Variants in STXBP5 observed in about 807,000 individuals in gnomAD.
The protein encoded by STXBP5 is syntaxin binding protein 5, also known as syntaxin-binding protein 5.
In STXBP5, 50 loss-of-function variants were observed where a neutral mutation model predicts 152.4. The ratio of observed to expected loss-of-function variants is 0.33; its 90% confidence interval spans 0.26 to 0.42. STXBP5 has a LOEUF of 0.42. Ranked by LOEUF, STXBP5 falls within the 10% of genes least tolerant of loss-of-function variation. The pLI is 1.00. For synonymous variants in STXBP5, 492 were observed against 494.7 expected, an observed-to-expected ratio of 0.99 and a Z score of 0.07; for missense variants, 1,167 against 1,388.6, an observed-to-expected ratio of 0.84 and a Z score of 2.54.
At chr6:147,281,729 C>T (rs954944156) in intron 8 of STXBP5, among the ~76,000 whole-genome samples, 11 of 152,262 alleles carry the variant, frequency 7.2e-5, no homozygotes, top group African/African-American at 2.4e-4. Flanking sequence ...CAGTACTTTA[C>T]GATGAGTTTT....
rs944073635 is a variant in STXBP5, at chr6:147,212,471, A to G, written c.248+6403A>G. Among the ~76,000 whole-genome samples, 8 of 152,210 alleles carry G rather than the reference A, an allele frequency of 5.3e-5. 1 individual carries two copies. Among genetic ancestry groups the G allele is most frequent in the Admixed American group, 1.3e-4 (2 of 15,280 alleles). On this transcript the variant is annotated intron_variant, in intron 2 of 27. Coordinates refer to ENST00000321680, the MANE Select transcript of STXBP5 (RefSeq NM_001127715.4). ...ATAATCTTCAGACTTACCTTGTATAAGTCAACTAAAATCTCTGTGCTTCAG... is the reference window on the plus strand; with the variant it reads ...ATAATCTTCAGACTTACCTTGTATAGGTCAACTAAAATCTCTGTGCTTCAG...
chr6:147,375,467 A>G (rs946657420), intron 26 of STXBP5, among the ~76,000 whole-genome samples: 1 of 152,070 alleles, frequency 6.6e-6, no homozygotes, highest in Non-Finnish European at 1.5e-5. Flanking sequence ...TAACTTAAAC[A>G]TACGTTAGGA....
intron 9 of STXBP5, among the ~76,000 whole-genome samples, chr6:147,303,352 G>A (rs544680381): frequency 1.4e-4 from 21 of 152,152 alleles, no homozygotes; most frequent in Non-Finnish European, 2.4e-4. Flanking sequence ...CCCTTTGCTC[G>A]GCTCTCTGTC....
chr6:147,370,173 T>C (rs1785475537), intron 25 of STXBP5, among the ~76,000 whole-genome samples: 1 of 152,030 alleles, frequency 6.6e-6, no homozygotes, highest in Non-Finnish European at 1.5e-5. Context: ...TCTATTTATA[T>C]AAAAACTCAA....
chr6:147,299,331 C>G (rs1781689337), intron 9 of STXBP5, among the ~76,000 whole-genome samples: 1 of 151,376 alleles, frequency 6.6e-6, no homozygotes, highest in African/African-American at 2.4e-5. Flanking sequence ...TTCAACAGAC[C>G]AATAACAAGC....
chr6:147,346,190 G>A (rs573032898), intron 21 of STXBP5, among the ~76,000 whole-genome samples: 1 of 152,276 alleles, frequency 6.6e-6, no homozygotes, highest in East Asian at 1.9e-4. Context: ...ACAGTGAAAC[G>A]AGCTAGCTGG....
At chr6:147,213,482 G>A (rs781396600) in intron 2 of STXBP5, among the ~76,000 whole-genome samples, 8 of 149,436 alleles carry the variant, frequency 5.4e-5, no homozygotes, top group South Asian at 2.1e-4. Context: ...GTGTGTGCGC[G>A]CGCATATATA....
intron 2 of STXBP5, among the ~76,000 whole-genome samples, chr6:147,213,477 T>TGTGTGTGTGCGCGCAC: frequency 1.5e-4 from 20 of 131,274 alleles, no homozygotes; most frequent in Non-Finnish European, 3.0e-4. Flanking sequence ...TGTGTGTGTG[T>TGTGTGTGTGCGCGCAC]GCGCGCGCAT....
intron 19 of STXBP5, among the ~76,000 whole-genome samples, chr6:147,335,294 G>A (rs9497750): frequency 0.018 from 2,699 of 152,242 alleles, 68 homozygotes; most frequent in African/African-American, 0.061. Flanking sequence ...TCCTAGGACT[G>A]TTTATTTCTG....
intron 1 of STXBP5, 64 bp from the exon 2 acceptor site, chr6:147,205,907 G>GT (rs1776529555): frequency 7.8e-7 from 1 of 1,280,962 alleles, no homozygotes; most frequent in Non-Finnish European, 1.1e-6. Flanking sequence ...CGCCTCTATT[G>GT]ACTTTCTATT....
chr6:147,341,089 A>G (rs1784069642), intron 21 of STXBP5, among the ~76,000 whole-genome samples: 1 of 152,056 alleles, frequency 6.6e-6, no homozygotes, highest in East Asian at 1.9e-4. Flanking sequence ...GTTTTTTTAA[A>G]TCACAAGATT....
intron 4 of STXBP5, 70 bp from the exon 5 acceptor site, chr6:147,260,545 A>C (rs1436042855): frequency 3.2e-6 from 5 of 1,568,464 alleles, no homozygotes; most frequent in Non-Finnish European, 3.5e-6. Context: ...ATCATAATCA[A>C]CCCTCTAATG....
intron 16 of STXBP5, among the ~76,000 whole-genome samples, chr6:147,320,615 T>C (rs1270093958): frequency 2.0e-5 from 3 of 151,150 alleles, no homozygotes; most frequent in Non-Finnish European, 4.4e-5. Context: ...GATTTTTGTT[T>C]TTGGCAGCCA....
intron 21 of STXBP5, among the ~76,000 whole-genome samples, chr6:147,346,221 A>G (rs1784322015): frequency 6.6e-6 from 1 of 152,174 alleles, no homozygotes; most frequent in Non-Finnish European, 1.5e-5. Flanking sequence ...TTCGTAAGTG[A>G]TTCTGGGACT....
At chr6:147,250,403 G>GA (rs1779024192) in intron 4 of STXBP5, among the ~76,000 whole-genome samples, 1 of 151,442 alleles carries the variant, frequency 6.6e-6, no homozygotes, top group Admixed American at 6.6e-5. Flanking sequence ...AATATTTGGG[G>GA]AAAAATACAA....
rs1402375957 is a variant in STXBP5 at position 147,389,712 on chromosome 6, AT to A, written c.*4960del. The A allele has an allele frequency of 4.6e-5, 7 of 151,818 alleles. No individual in the cohort carries two copies. The highest frequency in any genetic ancestry group is 1.7e-4 in the African/African-American group (7 of 41,400). 9.4% of individuals were successfully genotyped at this position (151,818 alleles called of 1,614,324 possible). A position where few individuals can be genotyped will look rare whatever the true frequency, so the allele number is the denominator to read the frequency against. On this transcript the variant is annotated 3_prime_UTR_variant, in exon 28 of 28. Transcript: ENST00000321680. ...TTGTTTTTGTTTATTTACTTTTGCT[AT>A]TTGTTTTGTATTGTCTAAACTTTGC... is the stretch of plus-strand genomic sequence containing the variant.
At position 147,205,881 on chromosome 6, in the gene STXBP5, T is replaced by C. The variant is rs1776526497; in HGVS notation, c.151-90T>C. ...TGTATGTGTTTTGCATCAGTGGTAG[T>C]GGTTCTAAATTCTAACGCCTCTATT... On this transcript the variant is annotated intron_variant, in intron 1 of 27. Transcript: ENST00000321680. The C allele has an allele frequency of 3.3e-6, 3 of 914,024 alleles. No homozygotes were observed. In the South Asian group the frequency reaches 4.2e-5, roughly 13 times the overall value. 56.6% of individuals were successfully genotyped at this position (914,024 alleles called of 1,614,324 possible). A position where few individuals can be genotyped will look rare whatever the true frequency, so the allele number is the denominator to read the frequency against.
chr6:147,278,582 G>T (rs531951164), intron 8 of STXBP5, among the ~76,000 whole-genome samples: 18 of 152,086 alleles, frequency 1.2e-4, no homozygotes, highest in Non-Finnish European at 2.4e-4. Flanking sequence ...CAGTGAACTT[G>T]AAATACTTGG....
In STXBP5 at chr6:147,388,268, A is replaced by G. The variant is rs1786432527; in HGVS notation, c.*3513A>G. 1 of 151,732 alleles carries G rather than the reference A, an allele frequency of 6.6e-6. No homozygotes were observed. Among genetic ancestry groups the G allele is most frequent in the Non-Finnish European group, 1.5e-5 (1 of 67,746 alleles). The allele number at this position is 151,732 out of a possible 1,614,324, so 9.4% of individuals were successfully genotyped here. A position where few individuals can be genotyped will look rare whatever the true frequency, so the allele number is the denominator to read the frequency against. On this transcript the variant is annotated 3_prime_UTR_variant, in exon 28 of 28. Coordinates refer to ENST00000321680, the MANE Select transcript of STXBP5 (RefSeq NM_001127715.4). Reference sequence around the variant, plus strand: ...TATGCTGCTAGCTGTACCTTAAATAAACTGATCAGTTTTAAAACCTTTAAT... The same window carrying G: ...TATGCTGCTAGCTGTACCTTAAATAGACTGATCAGTTTTAAAACCTTTAAT...
Sources: allele counts gnomAD v4.1 joint callset (sites outside exome capture counted in the v4.1 genomes callset), GRCh38; gene constraint gnomAD v4.1.1; transcripts MANE v1.5; gene names NCBI Gene and HGNC (gene_info 2026-07-23, HGNC 2026-07-21).